Variants in ACOX3 observed in about 807,000 individuals in gnomAD.
ACOX3 encodes acyl-CoA oxidase 3, pristanoyl.
In ACOX3, 73 loss-of-function variants were observed where a neutral mutation model predicts 81.5. The ratio of observed to expected loss-of-function variants is 0.90; its 90% CI spans 0.74 to 1.09. ACOX3 has a LOEUF of 1.09. ACOX3 is among the 50% of genes least tolerant of loss of function. ACOX3 has a pLI of 0.00. For synonymous variants in ACOX3, 387 were observed against 375.1 expected (o/e 1.03, Z -0.37); for missense variants, 947 against 928.0 (o/e 1.02, Z -0.27).
the ACOX3 span, among the ~76,000 whole-genome samples, chr4:8,359,872 A>G: frequency 6.6e-6 from 1 of 152,184 alleles, no homozygotes; most frequent in Non-Finnish European, 1.5e-5. The surrounding 1 kb of genome is among the most constrained non-coding windows in gnomAD (Gnocchi z 6.0). Context: ...AATGGAATAA[A>G]GGATTTGTGA....
chr4:8,424,582 C>A (rs559803905), intron 1 of ACOX3, among the ~76,000 whole-genome samples: 2 of 152,272 alleles, frequency 1.3e-5, no homozygotes, highest in Admixed American at 1.3e-4. Context: ...GTGGATGTCT[C>A]ATGATGTGGA....
intron 13 of ACOX3, among the ~76,000 whole-genome samples, chr4:8,387,751 G>C (rs1718484926): frequency 6.6e-6 from 1 of 152,134 alleles, no homozygotes; most frequent in African/African-American, 2.4e-5. Flanking sequence ...GAGAGATCCC[G>C]AGCTTTGCGG....
intron 7 of ACOX3, among the ~76,000 whole-genome samples, chr4:8,404,109 C>A (rs1328160870): frequency 6.6e-6 from 1 of 152,240 alleles, no homozygotes; most frequent in Non-Finnish European, 1.5e-5. Context: ...CACCCTGAGG[C>A]CAGAGCCATC....
chr4:8,409,898 A>T (rs1721515463), intron 6 of ACOX3, among the ~76,000 whole-genome samples: 1 of 131,440 alleles, frequency 7.6e-6, no homozygotes, highest in African/African-American at 2.9e-5. Flanking sequence ...GCGGGGCTGT[A>T]GGAATACACT....
At chr4:8,398,134 G>C (rs1182334201) in intron 8 of ACOX3, among the ~76,000 whole-genome samples, 3 of 152,134 alleles carry the variant, frequency 2.0e-5, no homozygotes, top group African/African-American at 7.2e-5. Context: ...CTGTTGCACT[G>C]CAGCCTGGGT....
chr4:8,411,087 G>C (rs1359551282), intron 5 of ACOX3, among the ~76,000 whole-genome samples: 3 of 152,208 alleles, frequency 2.0e-5, no homozygotes, highest in Non-Finnish European at 4.4e-5. Flanking sequence ...GGAGCCCTTC[G>C]AGTAAGGCTG....
At chr4:8,383,403 G>A (rs1717936607) in intron 13 of ACOX3, among the ~76,000 whole-genome samples, 1 of 152,224 alleles carries the variant, frequency 6.6e-6, no homozygotes, top group Non-Finnish European at 1.5e-5. Flanking sequence ...AGGTATTCAG[G>A]TGAGGTCATC....
chr4:8,374,935 C>G (rs1215457762), intron 15 of ACOX3, 43 bp downstream of exon 15: 5 of 1,461,392 alleles, frequency 3.4e-6, no homozygotes, highest in Non-Finnish European at 4.5e-6. Context: ...CACGGGGGCC[C>G]TGACTCTGGG....
chr4:8,403,731 G>GT (rs1720614594), intron 7 of ACOX3, among the ~76,000 whole-genome samples: 1 of 152,348 alleles, frequency 6.6e-6, no homozygotes, highest in East Asian at 1.9e-4. Flanking sequence ...TATTATCCCA[G>GT]TAAGAGGTGT....
chr4:8,375,198 C>T (rs1273144745), intron 14 of ACOX3, 46 bp from the exon 15 acceptor site: 2 of 1,479,522 alleles, frequency 1.4e-6, no homozygotes, highest in Non-Finnish European at 1.8e-6. Flanking sequence ...GTCCCAGCCC[C>T]GCCCAGATTC....
At chr4:8,376,021 G>A (rs947001886) in intron 14 of ACOX3, among the ~76,000 whole-genome samples, 15 of 152,134 alleles carry the variant, frequency 9.9e-5, no homozygotes, top group African/African-American at 3.6e-4. Context: ...TTTCTTTGGG[G>A]TGTATACCCA....
In ACOX3 at chr4:8,428,998, G is replaced by A. The variant is rs73211338; in HGVS notation, c.-15+11650C>T. The stretch of plus-strand genomic sequence containing the variant: ...AAGTGGGCCCTCATTGACCAGAGCA[G>A]CAACCAGCTCAATCACCCACCCTTT... On this transcript the variant is annotated intron_variant, in intron 1 of 17. Transcript: ENST00000356406. 8.9e-3 allele frequency among the ~76,000 whole-genome samples: 1,360 copies of A among 152,268 alleles called. 6 individuals are homozygous for A. Among genetic ancestry groups the A allele is most frequent in the South Asian group, 0.034 (164 of 4,820 alleles).
Position 8,440,704 on chromosome 4 carries a change from C to A in ACOX3, c.-71G>T, listed in dbSNP as rs1724578933. The A allele has an allele frequency of 8.0e-7, 1 of 1,249,624 alleles. No individual in the cohort carries two copies. Among genetic ancestry groups the A allele is most frequent in the Non-Finnish European group, 1.0e-6 (1 of 957,822 alleles). 77.4% of individuals were successfully genotyped at this position (1,249,624 alleles called of 1,614,324 possible). The stretch of plus-strand genomic sequence containing the variant: ...GAAACCAAAAGCAGGAAAGGATCTC[C>A]AGCGGCGCCATTCTCATTTCCGGTC... On this transcript the variant is annotated 5_prime_UTR_variant, in exon 1 of 18. Transcript: ENST00000356406.
At position 8,382,093 on chromosome 4, in the gene ACOX3, G is replaced by A. The variant is rs144750189; in HGVS notation, c.1538-486C>T. 4.8e-3 allele frequency among the ~76,000 whole-genome samples: 737 copies of A among 152,314 alleles called. 6 individuals are homozygous for A. Among genetic ancestry groups the A allele is most frequent in the African/African-American group, 0.016 (656 of 41,576 alleles). ...CCCTGCCTGGCCCTTGGACCTCACC[G>A]CATGCTGGAGCTGTGGAACTGGGGA... On this transcript the variant is annotated intron_variant, in intron 13 of 17. Transcript: ENST00000356406. The surrounding 1 kb of genome is among the most constrained non-coding windows in gnomAD (Gnocchi z 4.1).
intron 1 of ACOX3, chr4:8,436,316 T>G (rs1724233884): frequency 6.6e-6 from 1 of 152,018 alleles, no homozygotes; most frequent in African/African-American, 2.4e-5. Flanking sequence ...AGGAGAGAGA[T>G]GTGCAGGATA....
chr4:8,379,051 TC>T (rs1365221003), intron 14 of ACOX3, among the ~76,000 whole-genome samples: 1 of 152,176 alleles, frequency 6.6e-6, no homozygotes, highest in African/African-American at 2.4e-5. Flanking sequence ...ATTCCTTCCT[TC>T]CTGGGGGTGT....
At chr4:8,420,475 C>T (rs1722819138) in intron 1 of ACOX3, among the ~76,000 whole-genome samples, 1 of 152,152 alleles carries the variant, frequency 6.6e-6, no homozygotes, top group Non-Finnish European at 1.5e-5. Context: ...CAGCTCACAC[C>T]AGACCAATCA....
chr4:8,414,457 TCTTTC>T lies in ACOX3; in HGVS notation c.454-81_454-77del. ...CATTCCCAGAAGGACCTCACTGCCA[TCTTTC>T]CTTTAAAGATGAAACCACATATCAA... On this transcript the variant is annotated intron_variant, in intron 4 of 17. Coordinates refer to ENST00000356406, the MANE Select transcript of ACOX3 (RefSeq NM_003501.3). The surrounding 1 kb of genome is among the most constrained non-coding windows in gnomAD (Gnocchi z 6.1). 1.5e-6 allele frequency: 2 copies of T among 1,321,630 alleles called. No homozygotes were observed. Among genetic ancestry groups the T allele is most frequent in the Non-Finnish European group, 2.2e-6 (2 of 919,582 alleles). The allele number at this position is 1,321,630 out of a possible 1,614,324, so 81.9% of individuals were successfully genotyped here. A position where few individuals can be genotyped will look rare whatever the true frequency, so the allele number is the denominator to read the frequency against.
chr4:8,355,627 A>G, the ACOX3 span: 1 of 152,270 alleles, frequency 6.6e-6, no homozygotes, highest in African/African-American at 2.4e-5. Context: ...AGGACTTTCC[A>G]AGCATGACCT....
Sources: allele counts gnomAD v4.1 joint callset (sites outside exome capture counted in the v4.1 genomes callset), GRCh38; gene constraint gnomAD v4.1.1; non-coding constraint Gnocchi (gnomAD v3.1); transcripts MANE v1.5; gene names NCBI Gene and HGNC (gene_info 2026-07-23, HGNC 2026-07-21).